Variants in HELLS observed in about 807,000 individuals in gnomAD.
The protein encoded by HELLS is helicase, lymphoid specific, also known as lymphoid-specific helicase.
In HELLS, 32 loss-of-function variants were observed where a neutral mutation model predicts 120.0. The observed-to-expected ratio is 0.27, with a 90% confidence interval of 0.20 to 0.36. The LOEUF is 0.36. Ranked by LOEUF, HELLS falls within the 10% of genes least tolerant of loss-of-function variation. The pLI, the probability that HELLS is intolerant of heterozygous loss-of-function variation, is 1.00. For missense variants in HELLS, 650 were observed against 993.4 expected (o/e 0.65, Z 4.65); for synonymous variants, 341 against 323.4 (o/e 1.05, Z -0.58).
chr10:94,607,917 AG>A lies in HELLS; in HGVS notation c.828del (p.His278ThrfsTer5). ...TGATTTTTGTATTTTTAGTAGAGAC[AG>A]GGTTTCACCATCTTGGCCTGACTGG... On this transcript the variant is annotated frameshift_variant, in exon 9 of 10. Transcript: ENST00000371327. LOFTEE classifies it high-confidence loss of function. 2.3e-6 allele frequency: 1 copy of A among 429,346 alleles called. No homozygotes were observed. Among genetic ancestry groups the A allele is most frequent in the Admixed American group, 2.5e-5 (1 of 39,592 alleles). The allele number at this position is 429,346 out of a possible 1,614,324, so 26.6% of individuals were successfully genotyped here.
chr10:94,556,157 G>T (rs542011010), intron 3 of HELLS, among the ~76,000 whole-genome samples: 1 of 152,138 alleles, frequency 6.6e-6, no homozygotes, highest in Non-Finnish European at 1.5e-5. Flanking sequence ...CTTTCACCCC[G>T]TAGATAGTGT....
At chr10:94,546,335 AT>A in intron 1 of HELLS, 41 bp from the exon 2 acceptor site, 2 of 1,612,854 alleles carry the variant, frequency 1.2e-6, no homozygotes, top group South Asian at 1.1e-5. Flanking sequence ...GTAGTTGGTA[AT>A]TTTTTTAAAA....
At position 94,563,343 on chromosome 10, in the gene HELLS, G is replaced by A. The variant is rs189355002; in HGVS notation, c.435+467G>A. ...ACTCCTGACTTAAGGTGATCCGCCC[G>A]CCTCGGTCTCCTAAAATGCCACATT... On this transcript the variant is annotated intron_variant, in intron 6 of 21. Transcript: ENST00000348459. Among the ~76,000 whole-genome samples, 7 of 152,244 alleles carry A rather than the reference G, an allele frequency of 4.6e-5. No individual in the cohort carries two copies. In the South Asian group the frequency reaches 8.3e-4, roughly 18 times the overall value.
chr10:94,573,995 A>C lies in HELLS; in HGVS notation c.513A>C (p.Glu171Asp), dbSNP rs747456467. The C allele has an allele frequency of 6.2e-7, 1 of 1,610,250 alleles. No individual in the cohort carries two copies. Among genetic ancestry groups the C allele is most frequent in the Admixed American group, 1.7e-5 (1 of 59,996 alleles). ...ENSSSTNLCV[E>D]DLQKNKDSNS... is the part of the protein sequence containing the mutation. ...CCTCCTCTACTAATCTCTGTGTGGA[A>C]GATCTTCAGAAAAATAAAGATTCGA... Residue 171 changes from glutamate (E) to aspartate (D), a missense_variant, in exon 8 of 22, where the codon GAA becomes GAC. Glu to Asp is a conservative substitution (Grantham distance 45, BLOSUM62 2). Transcript: ENST00000348459.
intron 9 of HELLS, among the ~76,000 whole-genome samples, chr10:94,609,042 A>ATTTTTTT (rs1846160013): frequency 3.2e-5 from 1 of 31,542 alleles, no homozygotes; most frequent in African/African-American, 1.3e-4. Flanking sequence ...TTTTTTTTTG[A>ATTTTTTT]GATGGAGTTT....
At chr10:94,600,738 A>G (rs1026035604) in intron 21 of HELLS, among the ~76,000 whole-genome samples, 4 of 152,230 alleles carry the variant, frequency 2.6e-5, no homozygotes, top group Non-Finnish European at 4.4e-5. Flanking sequence ...ACCTAAAAAG[A>G]CAAGAAAATA....
At chr10:94,558,307 A>T in intron 4 of HELLS, 112 bp downstream of exon 4, 2 of 1,293,354 alleles carry the variant, frequency 1.5e-6, no homozygotes, top group East Asian at 5.6e-5. Context: ...TTTAGTGATA[A>T]ACCTAACTTT....
At chr10:94,580,322 C>T (rs1451095264) in intron 10 of HELLS, among the ~76,000 whole-genome samples, 1 of 150,752 alleles carries the variant, frequency 6.6e-6, no homozygotes, top group East Asian at 2.0e-4. Flanking sequence ...GCTGGGATTA[C>T]AGGCATGTGC....
At chr10:94,579,069 C>T (rs184950739) in intron 10 of HELLS, among the ~76,000 whole-genome samples, 2 of 152,064 alleles carry the variant, frequency 1.3e-5, no homozygotes. Flanking sequence ...GGTCTGTGAC[C>T]TGGGGGTTGG....
chr10:94,587,295 A>G (rs1316029363), intron 12 of HELLS, among the ~76,000 whole-genome samples: 2 of 152,176 alleles, frequency 1.3e-5, no homozygotes, highest in African/African-American at 2.4e-5. Flanking sequence ...GTAGATGTAT[A>G]TATTTATGAG....
intron 6 of HELLS, among the ~76,000 whole-genome samples, chr10:94,566,318 G>A (rs1843794621): frequency 6.6e-6 from 1 of 152,200 alleles, no homozygotes; most frequent in East Asian, 1.9e-4. Flanking sequence ...TTAAAGGTGG[G>A]ATTAATAGGG....
chr10:94,574,481 G>A, intron 8 of HELLS, 73 bp from the exon 9 acceptor site: 1 of 1,152,448 alleles, frequency 8.7e-7, no homozygotes. Flanking sequence ...TTTTTAAAGA[G>A]AAGAAATAAA....
rs1844126026 is a variant in HELLS, at chr10:94,571,045, T to G, written c.436-343T>G. On this transcript the variant is annotated intron_variant, in intron 6 of 21. Transcript: ENST00000348459. ...TACCTGTGTATTCGCTTAGCTGGAG[T>G]TGGTCTACAGGCTGTAGTTTGCTGA... The G allele has an allele frequency of 2.1e-5, 4 of 186,452 alleles. No homozygotes were observed. In the South Asian group the frequency reaches 5.0e-4, roughly 23 times the overall value. 11.5% of individuals were successfully genotyped at this position (186,452 alleles called of 1,614,324 possible).
chr10:94,581,426 A>C lies in HELLS; in HGVS notation c.1133A>C (p.Lys378Thr). 1 of 1,613,232 alleles carries C rather than the reference A, an allele frequency of 6.2e-7. No homozygotes were observed. Among genetic ancestry groups the C allele is most frequent in the Non-Finnish European group, 8.5e-7 (1 of 1,179,420 alleles). The change falls in exon 11 of 22, where the codon AAA becomes ACA. Residue 378 changes from lysine (K) to threonine (T), a missense_variant. Physicochemically the swap from Lys to Thr is moderately conservative, Grantham distance 78. Transcript: ENST00000348459. ...TTAAAACGATTCAATGCTGATAACA[A>C]ACTTCTTTTGACTGGTACTCCCTTG... ...RELKRFNADN[K>T]LLLTGTPLQN...
chr10:94,546,378 C>G lies in HELLS; in HGVS notation c.33C>G (p.Gly11=). 6.2e-7 allele frequency: 1 copy of G among 1,614,138 alleles called. No individual in the cohort carries two copies. ...TTTGAAAGCTTTCTCCCCCGTCAGG[C>G]TCGGAGGCTCCAGCAATGGTTGAAC... MPAERPAGSG[G]SEAPAMVEQL... Residue 11 remains glycine, a splice_region_variant and synonymous_variant, in exon 2 of 22, where the codon GGC becomes GGG. Coordinates refer to ENST00000348459, the MANE Select transcript of HELLS (RefSeq NM_018063.5).
At chr10:94,603,201 A>G (rs186243746), downstream of HELLS, among the ~76,000 whole-genome samples, 125 of 152,306 alleles carry the variant, frequency 8.2e-4, no homozygotes, top group Non-Finnish European at 1.4e-3. Flanking sequence ...GAGTTCTATT[A>G]TAGCAAAACT....
intron 3 of HELLS, 71 bp downstream of exon 3, chr10:94,554,319 T>C: frequency 9.1e-7 from 1 of 1,096,654 alleles, no homozygotes; most frequent in Non-Finnish European, 1.3e-6. Flanking sequence ...AAGTGTATAT[T>C]ATATACAGTA....
intron 6 of HELLS, among the ~76,000 whole-genome samples, chr10:94,564,134 A>G (rs908854695): frequency 1.3e-5 from 2 of 152,128 alleles, no homozygotes; most frequent in Admixed American, 6.5e-5. Context: ...TATTTGGGTT[A>G]TTACAGATAA....
At chr10:94,546,253 C>A in intron 1 of HELLS, 124 bp from the exon 2 acceptor site, 1 of 1,127,922 alleles carries the variant, frequency 8.9e-7, no homozygotes, top group Non-Finnish European at 1.3e-6. Flanking sequence ...GTGATGCTGG[C>A]GTCCCCTCGG....
Sources: allele counts gnomAD v4.1 joint callset (sites outside exome capture counted in the v4.1 genomes callset), GRCh38; gene constraint gnomAD v4.1.1; transcripts MANE v1.5; gene names NCBI Gene and HGNC (gene_info 2026-07-23, HGNC 2026-07-21).